Variants in SLC4A4 observed in about 807,000 individuals in gnomAD.
The protein encoded by SLC4A4 is solute carrier family 4 member 4.
A neutral mutation model predicts 111.5 loss-of-function variants in SLC4A4; 27 were observed. That is an observed-to-expected ratio of 0.24 (90% CI 0.18 to 0.33). SLC4A4 has a LOEUF of 0.33. Ranked by LOEUF, SLC4A4 falls within the 10% of genes least tolerant of loss-of-function variation. SLC4A4 has a pLI of 1.00. For synonymous variants in SLC4A4, 443 were observed against 463.4 expected (o/e 0.96, Z 0.57); for missense variants, 909 against 1,315.5 (o/e 0.69, Z 4.78).
chr4:71,278,923 T>C (rs546058420), intron 3 of SLC4A4, among the ~76,000 whole-genome samples: 3 of 152,246 alleles, frequency 2.0e-5, no homozygotes, highest in African/African-American at 7.2e-5. Flanking sequence ...TTGCTTTTCA[T>C]TTTTTTCCAG....
intron 1 of SLC4A4, among the ~76,000 whole-genome samples, chr4:71,090,064 AGTTT>A (rs917202397): frequency 2.6e-5 from 4 of 151,964 alleles, no homozygotes; most frequent in African/African-American, 9.7e-5. Context: ...CTTCCTCGCC[AGTTT>A]GTTTACCTAC....
At position 71,237,634 on chromosome 4, in the gene SLC4A4, A is replaced by C. The variant is rs139923226; in HGVS notation, c.73+985A>C. Among the ~76,000 whole-genome samples, 7 of 152,216 alleles carry C rather than the reference A, an allele frequency of 4.6e-5. No homozygotes were observed. The East Asian group carries it at 1.4e-3, about 29-fold the overall frequency. Reference sequence around the variant, plus strand: ...AGAGAGTCAGTATTGTATGTTCTGGAGTGATTCTTCAAGCAGACTGAGCAC... The same window carrying C: ...AGAGAGTCAGTATTGTATGTTCTGGCGTGATTCTTCAAGCAGACTGAGCAC... On this transcript the variant is annotated intron_variant, in intron 2 of 25. Transcript: ENST00000264485.
intron 23 of SLC4A4, 69 bp from the exon 24 acceptor site, chr4:71,563,724 C>G (rs1737196746): frequency 5.2e-6 from 5 of 965,574 alleles, no homozygotes; most frequent in Non-Finnish European, 8.4e-6. Context: ...ACGGTTTGAT[C>G]GATGCTAGGA....
At chr4:71,137,789 C>G (rs868274168) in intron 2 of SLC4A4, among the ~76,000 whole-genome samples, 1 of 152,158 alleles carries the variant, frequency 6.6e-6, no homozygotes, top group Non-Finnish European at 1.5e-5. Flanking sequence ...TGTGTTAACT[C>G]AAGGAAAACG....
intron 3 of SLC4A4, among the ~76,000 whole-genome samples, chr4:71,257,164 G>A (rs1721513312): frequency 6.6e-6 from 1 of 152,146 alleles, no homozygotes; most frequent in African/African-American, 2.4e-5. Context: ...GGACCAGTTT[G>A]AATACAGCAT....
intron 14 of SLC4A4, among the ~76,000 whole-genome samples, chr4:71,474,458 T>C (rs1021696740): frequency 4.6e-5 from 7 of 151,930 alleles, no homozygotes; most frequent in Admixed American, 3.9e-4. Context: ...CTACTTTTTA[T>C]GCTTGTGGCA....
intron 1 of SLC4A4, among the ~76,000 whole-genome samples, chr4:71,235,827 G>A (rs1418196100): frequency 6.6e-6 from 1 of 152,212 alleles, no homozygotes; most frequent in African/African-American, 2.4e-5. Flanking sequence ...AGAACTTTGT[G>A]CCCTTCAGGG....
intron 2 of SLC4A4, among the ~76,000 whole-genome samples, chr4:71,244,155 G>A (rs919409953): frequency 1.3e-5 from 2 of 152,106 alleles, no homozygotes; most frequent in East Asian, 1.9e-4. Flanking sequence ...GAATCTAATG[G>A]ATACGTGTGT....
intron 4 of SLC4A4, among the ~76,000 whole-genome samples, chr4:71,343,401 A>T (rs1474325642): frequency 2.0e-5 from 3 of 152,194 alleles, no homozygotes; most frequent in African/African-American, 7.2e-5. Flanking sequence ...AAAAGCACGG[A>T]TATAATTCCT....
At chr4:71,310,901 AAGACCCATTGGTGTGCTATATTCAGG>A (rs1726093320) in intron 3 of SLC4A4, among the ~76,000 whole-genome samples, 1 of 152,236 alleles carries the variant, frequency 6.6e-6, no homozygotes. Flanking sequence ...ATAAAGAGTC[AAGACCCATTGGTGTGCTATATTCAGG>A]AGACCCATCT....
chr4:71,158,299 C>A (rs1744531773), intron 2 of SLC4A4, among the ~76,000 whole-genome samples: 1 of 152,028 alleles, frequency 6.6e-6, no homozygotes, highest in African/African-American at 2.4e-5. Flanking sequence ...CATGTCTGAA[C>A]ACAACAAATC....
chr4:71,527,484 G>C (rs149664827), intron 16 of SLC4A4, among the ~76,000 whole-genome samples: 5 of 152,042 alleles, frequency 3.3e-5, no homozygotes, highest in African/African-American at 9.7e-5. Flanking sequence ...CAGGTTTAGG[G>C]TGTCAGTGGT....
intron 1 of SLC4A4, among the ~76,000 whole-genome samples, chr4:71,216,364 A>AT (rs1244569791): frequency 1.3e-5 from 2 of 152,054 alleles, no homozygotes; most frequent in Non-Finnish European, 2.9e-5. Context: ...ATTTGGGGTC[A>AT]TTTTTAAGTT....
intron 18 of SLC4A4, among the ~76,000 whole-genome samples, chr4:71,542,971 G>C (rs1439832237): frequency 6.6e-6 from 1 of 152,064 alleles, no homozygotes; most frequent in Non-Finnish European, 1.5e-5. Context: ...TAGTTTGGTG[G>C]TGAACAAAAA....
At chr4:71,084,664 T>C (rs1742103838) in intron 1 of SLC4A4, among the ~76,000 whole-genome samples, 1 of 152,150 alleles carries the variant, frequency 6.6e-6, no homozygotes, top group African/African-American at 2.4e-5. Context: ...GTTTGGTTTT[T>C]TGTCCTTGCG....
At chr4:71,254,213 A>G (rs1472006195) in intron 2 of SLC4A4, among the ~76,000 whole-genome samples, 1 of 152,196 alleles carries the variant, frequency 6.6e-6, no homozygotes. Flanking sequence ...TGTTCACATT[A>G]TTTCTCAAAT....
intron 2 of SLC4A4, among the ~76,000 whole-genome samples, chr4:71,178,567 C>G (rs372657924): frequency 6.6e-6 from 1 of 152,188 alleles, no homozygotes; most frequent in African/African-American, 2.4e-5. Context: ...TCAGAGAATA[C>G]TATAAACACC....
At chr4:71,532,282 T>C in intron 17 of SLC4A4, 107 bp downstream of exon 17, 1 of 778,252 alleles carries the variant, frequency 1.3e-6, no homozygotes, top group Non-Finnish European at 2.3e-6. Context: ...CAATTATCCA[T>C]ATTTTTTTTC....
At chr4:71,327,736 A>G (rs1485252147) in intron 3 of SLC4A4, among the ~76,000 whole-genome samples, 1 of 151,898 alleles carries the variant, frequency 6.6e-6, no homozygotes, top group East Asian at 1.9e-4. Flanking sequence ...TACGGGGTAC[A>G]TGAGATATTT....
Sources: gnomAD v4.1 joint callset for allele counts (sites outside exome capture counted in the v4.1 genomes callset) on GRCh38, gnomAD v4.1.1 for gene constraint, MANE v1.5 for transcripts, NCBI Gene and HGNC (gene_info 2026-07-23, HGNC 2026-07-21) for gene names.